The following ERC2 variants were observed in gnomAD, a reference collection of about 807,000 sequenced individuals.
ERC2 encodes the protein ELKS/RAB6-interacting/CAST family member 2, also known as ERC protein 2.
A neutral mutation model predicts 114.8 loss-of-function variants in ERC2; 42 were observed. That is an observed-to-expected ratio of 0.37 (90% confidence interval 0.29 to 0.47). ERC2 has a LOEUF of 0.47. Ranked by LOEUF, ERC2 falls within the 20% of genes least tolerant of loss-of-function variation. The pLI, the probability that ERC2 is intolerant of heterozygous loss-of-function variation, is 0.99. For missense variants in ERC2, 939 were observed against 1,150.7 expected (o/e 0.82, Z 2.66); for synonymous variants, 454 against 425.5 (o/e 1.07, Z -0.82).
intron 12 of ERC2, among the ~76,000 whole-genome samples, chr3:55,954,309 G>T (rs1015844429): frequency 6.6e-6 from 1 of 152,076 alleles, no homozygotes; most frequent in Non-Finnish European, 1.5e-5. Flanking sequence ...TCAAAATTCA[G>T]TTGCCATCAA....
At chr3:55,751,194 T>C (rs1345354030) in intron 14 of ERC2, among the ~76,000 whole-genome samples, 4 of 152,206 alleles carry the variant, frequency 2.6e-5, no homozygotes, top group Admixed American at 2.0e-4. Context: ...CTGGCTGCCT[T>C]ATAAATGCCA....
chr3:55,941,271 A>G (rs950885286), intron 13 of ERC2, among the ~76,000 whole-genome samples: 10 of 152,104 alleles, frequency 6.6e-5, no homozygotes, highest in African/African-American at 2.4e-4. Context: ...CAGACACATC[A>G]GGTGTTTGCT....
intron 13 of ERC2, among the ~76,000 whole-genome samples, chr3:55,924,229 G>A (rs1489020359): frequency 1.3e-5 from 2 of 152,136 alleles, no homozygotes. Context: ...TTCTAGAGCA[G>A]GGGTTGGCAA....
At chr3:56,270,321 A>C (rs1030090945) in intron 3 of ERC2, among the ~76,000 whole-genome samples, 1 of 152,246 alleles carries the variant, frequency 6.6e-6, no homozygotes, top group Non-Finnish European at 1.5e-5. Flanking sequence ...GAGAGTAGAT[A>C]CTTCCAAACA....
At chr3:56,113,500 G>GGT (rs1467747163) in intron 6 of ERC2, among the ~76,000 whole-genome samples, 1 of 152,050 alleles carries the variant, frequency 6.6e-6, no homozygotes, top group African/African-American at 2.4e-5. Flanking sequence ...CTTTGCAGTG[G>GGT]GTATATGTGT....
intron 2 of ERC2, among the ~76,000 whole-genome samples, chr3:56,363,525 T>C (rs894287998): frequency 1.3e-5 from 2 of 152,112 alleles, no homozygotes; most frequent in Non-Finnish European, 1.5e-5. Flanking sequence ...CAGAAGCAAA[T>C]AGGGCAGTGA....
intron 15 of ERC2, among the ~76,000 whole-genome samples, chr3:55,732,505 G>A (rs1035147319): frequency 6.6e-5 from 10 of 152,208 alleles, no homozygotes; most frequent in East Asian, 1.9e-4. Context: ...AACCAAGCTC[G>A]TCGTAAAGAA....
intron 14 of ERC2, among the ~76,000 whole-genome samples, chr3:55,740,949 T>C (rs148604092): frequency 1.6e-4 from 25 of 152,116 alleles, no homozygotes; most frequent in African/African-American, 6.0e-4. Flanking sequence ...AGACACTCAG[T>C]TGGTAAGTGT....
intron 13 of ERC2, among the ~76,000 whole-genome samples, chr3:55,948,504 G>A (rs2067274543): frequency 6.6e-6 from 1 of 152,212 alleles, no homozygotes; most frequent in African/African-American, 2.4e-5. Flanking sequence ...AGGAAAGTGG[G>A]AGGTTTACTC....
At chr3:55,846,586 A>G (rs1306429248) in intron 14 of ERC2, among the ~76,000 whole-genome samples, 1 of 152,006 alleles carries the variant, frequency 6.6e-6, no homozygotes, top group Non-Finnish European at 1.5e-5. Flanking sequence ...GCTTTCCACA[A>G]TGATTGAACT....
chr3:56,349,857 G>A (rs1477875826), intron 2 of ERC2, among the ~76,000 whole-genome samples: 4 of 150,576 alleles, frequency 2.7e-5, no homozygotes, highest in Non-Finnish European at 5.9e-5. Context: ...AGGTTGCAGT[G>A]AGCAGAGACC....
At chr3:55,814,509 C>A (rs1193883933) in intron 14 of ERC2, among the ~76,000 whole-genome samples, 2 of 152,194 alleles carry the variant, frequency 1.3e-5, no homozygotes, top group African/African-American at 4.8e-5. Context: ...ATTCTCTACT[C>A]TTCCCTTTCT....
At chr3:55,559,900 C>T (rs1328905197) in intron 17 of ERC2, among the ~76,000 whole-genome samples, 2 of 152,240 alleles carry the variant, frequency 1.3e-5, no homozygotes, top group Admixed American at 1.3e-4. Flanking sequence ...CCACAGCGTA[C>T]GGATGGCCAT....
chr3:56,112,197 A>G (rs1238260427), intron 6 of ERC2, among the ~76,000 whole-genome samples: 1 of 152,214 alleles, frequency 6.6e-6, no homozygotes, highest in Non-Finnish European at 1.5e-5. Context: ...TCACTTGGAT[A>G]AAAATGCTCT....
chr3:55,996,855 G>T (rs1461324767), intron 10 of ERC2, among the ~76,000 whole-genome samples: 1 of 152,182 alleles, frequency 6.6e-6, no homozygotes, highest in Non-Finnish European at 1.5e-5. Context: ...AGGAAATAAG[G>T]CAAAACTTCA....
At chr3:55,826,185 G>A (rs188383304) in intron 14 of ERC2, among the ~76,000 whole-genome samples, 1 of 152,136 alleles carries the variant, frequency 6.6e-6, no homozygotes, top group African/African-American at 2.4e-5. Context: ...TACAAAGTTG[G>A]GTGGATGGCA....
intron 4 of ERC2, among the ~76,000 whole-genome samples, chr3:56,156,136 A>G (rs1175476200): frequency 6.6e-6 from 1 of 152,198 alleles, no homozygotes; most frequent in Non-Finnish European, 1.5e-5. Context: ...GAATTCTCAG[A>G]CATAGTTGAG....
intron 13 of ERC2, among the ~76,000 whole-genome samples, chr3:55,890,858 C>A (rs1314255981): frequency 2.0e-5 from 3 of 152,222 alleles, no homozygotes; most frequent in Admixed American, 6.5e-5. Flanking sequence ...ATGTGGGGCA[C>A]TGGCCTCAGA....
intron 2 of ERC2, among the ~76,000 whole-genome samples, chr3:56,328,594 G>C (rs2057469473): frequency 6.6e-6 from 1 of 152,184 alleles, no homozygotes; most frequent in African/African-American, 2.4e-5. Context: ...AGTGGTGAAA[G>C]GGGAAGGTAG....
Sources: allele counts gnomAD v4.1 joint callset (sites outside exome capture counted in the v4.1 genomes callset), GRCh38; gene constraint gnomAD v4.1.1; transcripts MANE v1.5; gene names NCBI Gene and HGNC (gene_info 2026-07-23, HGNC 2026-07-21).